The following FAT3 variants were observed in gnomAD, a reference collection of about 807,000 sequenced individuals.
FAT3 encodes FAT atypical cadherin 3.
Under a neutral mutation model 310.2 loss-of-function variants are expected in FAT3, and 95 were observed. That is an observed-to-expected ratio of 0.31 (90% CI 0.26 to 0.36). The LOEUF (loss-of-function observed/expected upper bound fraction) is 0.36, where lower values mean the gene tolerates loss of function less well. Ranked by LOEUF, FAT3 falls within the 10% of genes least tolerant of loss-of-function variation. The pLI is 1.00. For synonymous variants in FAT3, 2,314 were observed against 2,192.9 expected, an observed-to-expected ratio of 1.06 and a Z score of -1.54; for missense variants, 5,408 against 5,715.6, an observed-to-expected ratio of 0.95 and a Z score of 1.74.
At chr11:92,796,128 G>C (rs1240536664) in intron 9 of FAT3, among the ~76,000 whole-genome samples, 1 of 151,928 alleles carries the variant, frequency 6.6e-6, no homozygotes, top group African/African-American at 2.4e-5. Flanking sequence ...ACTGGAAGGT[G>C]ACCATTGCTT....
chr11:92,395,339 T>C (rs1353013575), intron 2 of FAT3, among the ~76,000 whole-genome samples: 7 of 152,206 alleles, frequency 4.6e-5, no homozygotes, highest in Admixed American at 4.6e-4. Context: ...ACAGTGCAGC[T>C]TGTCTGATTA....
chr11:92,572,631 C>G (rs991886281), intron 3 of FAT3, among the ~76,000 whole-genome samples: 3 of 152,156 alleles, frequency 2.0e-5, no homozygotes, highest in Non-Finnish European at 4.4e-5. Flanking sequence ...TTAACAATCT[C>G]ACAGGAATGA....
chr11:92,375,417 A>C (rs1214751590), intron 2 of FAT3, among the ~76,000 whole-genome samples: 2 of 152,192 alleles, frequency 1.3e-5, no homozygotes, highest in Admixed American at 1.3e-4. Flanking sequence ...CTGAGATTAC[A>C]AGTGTCAGCC....
Position 92,649,896 on chromosome 11 carries a change from T to C in FAT3, c.3608-47488T>C, listed in dbSNP as rs1379542649. On this transcript the variant is annotated intron_variant, in intron 3 of 27. Coordinates refer to ENST00000525166, the MANE Select transcript of FAT3 (RefSeq NM_001367949.2). ...GTTCATATATATATATATATATATA[T>C]ATATATATATATATATATATGCACC... Among the ~76,000 whole-genome samples the C allele has an allele frequency of 1.8e-3, 119 of 65,672 alleles. 2 individuals are homozygous for C. Among genetic ancestry groups the C allele is most frequent in the African/African-American group, 6.0e-3 (107 of 17,766 alleles). The allele number at this position is 65,672 out of a possible 152,430, so 43.1% of individuals were successfully genotyped here.
At chr11:92,231,305 G>A (rs1169241694) in intron 1 of FAT3, among the ~76,000 whole-genome samples, 2 of 152,044 alleles carry the variant, frequency 1.3e-5, no homozygotes, top group South Asian at 4.2e-4. Context: ...CTGTTGCTTG[G>A]TTTTTTACCT....
At chr11:92,499,125 C>T (rs1194455926) in intron 2 of FAT3, among the ~76,000 whole-genome samples, 6 of 152,020 alleles carry the variant, frequency 3.9e-5, no homozygotes, top group Admixed American at 3.9e-4. Context: ...GTGCTGGGTG[C>T]TGTTGATACA....
chr11:92,323,898 A>G (rs1947695702), intron 1 of FAT3, among the ~76,000 whole-genome samples: 1 of 152,230 alleles, frequency 6.6e-6, no homozygotes, highest in African/African-American at 2.4e-5. Flanking sequence ...TTTTGCCTAC[A>G]GATGAAACTG....
intron 1 of FAT3, among the ~76,000 whole-genome samples, chr11:92,248,723 A>T (rs1490014890): frequency 6.6e-6 from 1 of 151,816 alleles, no homozygotes; most frequent in East Asian, 1.9e-4. Flanking sequence ...CAAACATAAG[A>T]TTTCAAAACT....
chr11:92,782,190 G>A (rs1278960638), intron 7 of FAT3, among the ~76,000 whole-genome samples: 1 of 152,052 alleles, frequency 6.6e-6, no homozygotes, highest in Non-Finnish European at 1.5e-5. Flanking sequence ...AGATGTGGTG[G>A]TCACGTGCAT....
chr11:92,268,056 A>G (rs1354646971), intron 1 of FAT3, among the ~76,000 whole-genome samples: 1 of 152,038 alleles, frequency 6.6e-6, no homozygotes, highest in African/African-American at 2.4e-5. Flanking sequence ...GTCCTTCAAA[A>G]AAAAAAAAAA....
In FAT3 at chr11:92,844,565, T is replaced by C. The variant is rs763747892; in HGVS notation, c.11198T>C (p.Met3733Thr). 1.2e-6 allele frequency: 2 copies of C among 1,614,008 alleles called. No individual in the cohort carries two copies. The highest frequency in any genetic ancestry group is 1.7e-5 in the Admixed American group (1 of 60,022). ...SNARRHLENIMRISAILEKNC... is the reference protein window; with the variant it reads ...SNARRHLENITRISAILEKNC... ...GCTAGAAGACACCTGGAGAATATCA[T>C]GCGCATCTCAGCCATCTTGGAGAAG... is the stretch of plus-strand genomic sequence containing the variant. Residue 3733 changes from methionine (M) to threonine (T), a missense_variant, in exon 19 of 28, where the codon ATG becomes ACG. By Grantham distance (81) the Met-to-Thr change is moderately conservative. Transcript: ENST00000525166.
At chr11:92,616,775 C>A (rs1940832164) in intron 3 of FAT3, among the ~76,000 whole-genome samples, 1 of 152,144 alleles carries the variant, frequency 6.6e-6, no homozygotes, top group Non-Finnish European at 1.5e-5. Context: ...GTTGAAAATT[C>A]TTTTCTTTAA....
intron 1 of FAT3, among the ~76,000 whole-genome samples, chr11:92,345,007 C>G (rs1372207358): frequency 2.6e-5 from 4 of 152,078 alleles, no homozygotes; most frequent in Non-Finnish European, 5.9e-5. Flanking sequence ...CTTTAAGAAA[C>G]CTCTTTATCT....
intron 25 of FAT3, among the ~76,000 whole-genome samples, chr11:92,888,030 C>T (rs1278080564): frequency 6.6e-6 from 1 of 152,254 alleles, no homozygotes; most frequent in South Asian, 2.1e-4. Context: ...GTGCTGAGTC[C>T]TTTTCCCAGA....
rs528409056 is a variant in FAT3 at position 92,252,114 on chromosome 11, G to A, written c.-18+26940G>A. ...AGCAAGGCTTGGAATGCCTTGAGCT[G>A]TTAAGAAATGTGTGAGGAATGGAAG... is the stretch of plus-strand genomic sequence containing the variant. On this transcript the variant is annotated intron_variant, in intron 1 of 27. Transcript: ENST00000525166. Among the ~76,000 whole-genome samples the A allele has an allele frequency of 1.4e-4, 21 of 152,248 alleles. No homozygotes were observed. In the East Asian group the frequency reaches 3.7e-3, roughly 27 times the overall value.
At chr11:92,479,167 A>AT (rs753439156) in intron 2 of FAT3, among the ~76,000 whole-genome samples, 13,064 of 128,122 alleles carry the variant, frequency 0.1, 753 homozygotes, top group African/African-American at 0.17. Flanking sequence ...ACGGCCAGCT[A>AT]TTTTTTTTTT....
At chr11:92,757,955 CT>C (rs1565570359) in intron 4 of FAT3, among the ~76,000 whole-genome samples, 1 of 152,160 alleles carries the variant, frequency 6.6e-6, no homozygotes, top group African/African-American at 2.4e-5. Context: ...GTTATGTAAA[CT>C]GGGTATGAAC....
At chr11:92,438,764 T>C (rs933044308) in intron 2 of FAT3, among the ~76,000 whole-genome samples, 1 of 152,196 alleles carries the variant, frequency 6.6e-6, no homozygotes, top group African/African-American at 2.4e-5. Context: ...TGTTGTCTAA[T>C]GTTTCTATTT....
At chr11:92,575,451 G>T (rs554871337) in intron 3 of FAT3, among the ~76,000 whole-genome samples, 1 of 152,252 alleles carries the variant, frequency 6.6e-6, no homozygotes, top group Non-Finnish European at 1.5e-5. Flanking sequence ...AATTATTTCT[G>T]TATTAGGTCT....
Sources: allele counts gnomAD v4.1 joint callset (sites outside exome capture counted in the v4.1 genomes callset), GRCh38; gene constraint gnomAD v4.1.1; transcripts MANE v1.5; gene names NCBI Gene and HGNC (gene_info 2026-07-23, HGNC 2026-07-21).